The following HIF1A variants were observed in gnomAD, a reference collection of about 807,000 sequenced individuals.
HIF1A encodes the protein hypoxia inducible factor 1 subunit alpha.
A neutral mutation model predicts 92.7 loss-of-function variants in HIF1A; 24 were observed. That is an observed-to-expected ratio of 0.26 (90% CI 0.19 to 0.36). HIF1A has a LOEUF of 0.36. HIF1A is among the 10% of genes least tolerant of loss of function. The pLI, the probability that HIF1A is intolerant of heterozygous loss-of-function variation, is 1.00. For missense variants in HIF1A, 799 were observed against 998.5 expected (o/e 0.80, Z 2.69); for synonymous variants, 319 against 338.7 (o/e 0.94, Z 0.64).
chr14:61,722,342 C>T (rs2044443005), intron 4 of HIF1A, among the ~76,000 whole-genome samples: 1 of 152,178 alleles, frequency 6.6e-6, no homozygotes, highest in Non-Finnish European at 1.5e-5. Context: ...CTCACCTCGG[C>T]CTCTCAAAGT....
intron 7 of HIF1A, among the ~76,000 whole-genome samples, chr14:61,732,785 T>C (rs2044592308): frequency 6.6e-6 from 1 of 152,222 alleles, no homozygotes; most frequent in Non-Finnish European, 1.5e-5. Flanking sequence ...TTATAGAGTA[T>C]TGAATAGCAT....
intron 1 of HIF1A, among the ~76,000 whole-genome samples, chr14:61,701,400 G>A (rs2044174143): frequency 2.0e-5 from 3 of 151,672 alleles, no homozygotes; most frequent in Admixed American, 6.6e-5. Context: ...ATTTAAAAGT[G>A]TCTAGTATTT....
intron 12 of HIF1A, among the ~76,000 whole-genome samples, chr14:61,744,345 T>A (rs1375596262): frequency 6.6e-6 from 1 of 151,982 alleles, no homozygotes; most frequent in Non-Finnish European, 1.5e-5. Context: ...AGCAACATAG[T>A]GAAATCCTGT....
intron 12 of HIF1A, among the ~76,000 whole-genome samples, chr14:61,741,451 T>C (rs1967773): frequency 0.89 from 133,342 of 150,550 alleles, 59,926 homozygotes; most frequent in Non-Finnish European, 0.96. Context: ...CGGCAACCTC[T>C]GCCTCCTGGG....
chr14:61,730,561 A>G (rs1009693708), intron 6 of HIF1A, among the ~76,000 whole-genome samples: 1 of 152,174 alleles, frequency 6.6e-6, no homozygotes, highest in African/African-American at 2.4e-5. Context: ...TGTTTATACC[A>G]TACCTTTTTC....
chr14:61,708,262 A>G (rs1405481608), intron 1 of HIF1A, among the ~76,000 whole-genome samples: 2 of 151,846 alleles, frequency 1.3e-5, no homozygotes, highest in African/African-American at 2.4e-5. Flanking sequence ...TTGCCTGTTC[A>G]CTCTGATGGT....
chr14:61,717,060 A>G (rs146285522), intron 1 of HIF1A: 53 of 152,374 alleles, frequency 3.5e-4, no homozygotes, highest in African/African-American at 1.2e-3. Flanking sequence ...TTAGAGAAAT[A>G]TAGTGACCTT....
Position 61,695,812 on chromosome 14 carries a change from G to T in HIF1A, c.8G>T (p.Gly3Val). 1.3e-6 allele frequency: 2 copies of T among 1,595,908 alleles called. No individual in the cohort carries two copies. The highest frequency in any genetic ancestry group is 1.1e-5 in the South Asian group (1 of 87,828). Residue 3 changes from glycine (G) to valine (V), a missense_variant, in exon 1 of 15, where the codon GGC becomes GTC. Physicochemically the swap from Gly to Val is moderately radical, Grantham distance 109. This residue lies in a region of HIF1A where 516 missense variants were observed against 721.0 expected (regional missense o/e 0.72). Transcript: ENST00000337138. ...CGCGGGGACCGATTCACCATGGAGG[G>T]CGCCGGCGGCGCGAACGACAAGAAA... Reference protein sequence around the residue: MEGAGGANDKKKI... With the variant: MEVAGGANDKKKI...
chr14:61,743,198 A>G (rs560381550), intron 12 of HIF1A, among the ~76,000 whole-genome samples: 32 of 152,054 alleles, frequency 2.1e-4, no homozygotes, highest in Admixed American at 7.9e-4. Flanking sequence ...CAGCCTCCCG[A>G]GTAGCTGGGA....
At chr14:61,723,565 A>G (rs1316387775) in intron 4 of HIF1A, among the ~76,000 whole-genome samples, 2 of 152,226 alleles carry the variant, frequency 1.3e-5, no homozygotes, top group Non-Finnish European at 2.9e-5. Flanking sequence ...AATTTGGAAA[A>G]CAAATGCATA....
At chr14:61,718,525 T>C (rs867160299) in intron 1 of HIF1A, among the ~76,000 whole-genome samples, 2 of 152,216 alleles carry the variant, frequency 1.3e-5, no homozygotes, top group Non-Finnish European at 1.5e-5. Flanking sequence ...CTGGAGTTAT[T>C]ATCATCATAC....
chr14:61,741,596 C>T lies in HIF1A; in HGVS notation c.2093+408C>T, dbSNP rs375360174. On this transcript the variant is annotated intron_variant, in intron 12 of 14. Coordinates refer to ENST00000337138, the MANE Select transcript of HIF1A (RefSeq NM_001530.4). The stretch of plus-strand genomic sequence containing the variant: ...GTTGGTCAGGCTGGTCTCAAACTCC[C>T]GACTTCAGGTGATCCGCCTGCCTCA... 2.2e-3 allele frequency among the ~76,000 whole-genome samples: 341 copies of T among 151,774 alleles called. 18 individuals carry two copies. In the South Asian group the frequency reaches 0.068, roughly 30 times the overall value.
chr14:61,715,118 A>G (rs1434019554), intron 1 of HIF1A, among the ~76,000 whole-genome samples: 2 of 152,206 alleles, frequency 1.3e-5, no homozygotes, highest in Non-Finnish European at 2.9e-5. Flanking sequence ...AGATATTGAA[A>G]TAGCTGCTCT....
chr14:61,731,586 A>G (rs2044576020), intron 6 of HIF1A, among the ~76,000 whole-genome samples: 1 of 152,186 alleles, frequency 6.6e-6, no homozygotes, highest in African/African-American at 2.4e-5. Flanking sequence ...TTTAGTGTAG[A>G]TGCTCTTTGG....
chr14:61,734,219 C>G lies in HIF1A; in HGVS notation c.962C>G (p.Ala321Gly). 6.2e-7 allele frequency: 1 copy of G among 1,612,238 alleles called. No homozygotes were observed. Among genetic ancestry groups the G allele is most frequent in the Non-Finnish European group, 8.5e-7 (1 of 1,178,410 alleles). ...GGATATGTCTGGGTTGAAACTCAAG[C>G]AACTGTCATATATAACACCAAGAAT... ...RGGYVWVETQ[A>G]TVIYNTKNSQ... Residue 321 changes from alanine to glycine, a missense_variant, in exon 8 of 15, where the codon GCA (alanine) becomes GGA (glycine). By Grantham distance (60) the Ala-to-Gly change is moderately conservative. Around this residue, in one of 2 missense-constraint regions of HIF1A, gnomAD observed 516 missense variants for 721.0 expected, o/e 0.72. Transcript: ENST00000337138.
At chr14:61,724,372 T>TCTCTCTCTCTCTCTCTCTCTCC (rs2044475094) in intron 4 of HIF1A, among the ~76,000 whole-genome samples, 1 of 150,116 alleles carries the variant, frequency 6.7e-6, no homozygotes, top group East Asian at 2.0e-4. Context: ...TCTCTCTCTC[T>TCTCTCTCTCTCTCTCTCTCTCC]CTCTCTCTCC....
Position 61,738,334 on chromosome 14 carries a change from T to C in HIF1A, c.1497T>C (p.Pro499=). The change falls in exon 10 of 15, where the codon CCT becomes CCC. Residue 499 remains proline, a synonymous_variant. Coordinates refer to ENST00000337138, the MANE Select transcript of HIF1A (RefSeq NM_001530.4). ...TGCCCCAGATTCAGGATCAGACACC[T>C]AGTCCTTCCGATGGAAGCACTAGAC... The part of the protein sequence containing the change: ...FTMPQIQDQT[P]SPSDGSTRQS... 1 of 1,613,058 alleles carries C rather than the reference T, an allele frequency of 6.2e-7. No homozygotes were observed. Among genetic ancestry groups the C allele is most frequent in the Non-Finnish European group, 8.5e-7 (1 of 1,179,452 alleles).
chr14:61,722,466 C>T (rs2044445416), intron 4 of HIF1A, among the ~76,000 whole-genome samples: 1 of 152,076 alleles, frequency 6.6e-6, no homozygotes, highest in African/African-American at 2.4e-5. Context: ...AACTCCTGGA[C>T]TCAAGTGATC....
chr14:61,698,023 T>A, intron 1 of HIF1A: 1 of 770,012 alleles, frequency 1.3e-6, no homozygotes, highest in Non-Finnish European at 1.9e-6. Context: ...GGGCTGAACT[T>A]ATTTAATAGC....
Sources: gnomAD v4.1 joint callset for allele counts (sites outside exome capture counted in the v4.1 genomes callset) on GRCh38, gnomAD v4.1.1 for gene constraint, gnomAD v4.1.1 regional missense constraint, MANE v1.5 for transcripts, NCBI Gene and HGNC (gene_info 2026-07-23, HGNC 2026-07-21) for gene names.